Variants in QTMAN observed in about 807,000 individuals in gnomAD.
QTMAN encodes queuosine-tRNA mannosyltransferase, also known as tRNA-queuosine alpha-mannosyltransferase.
At chr2:144,266,712 T>C in the QTMAN span, among the ~76,000 whole-genome samples, 2 of 152,230 alleles carry the variant, frequency 1.3e-5, no homozygotes, top group Non-Finnish European at 2.9e-5. Flanking sequence ...GCCTTAGTAA[T>C]GGCTTTACCC....
At chr2:144,067,581 CATT>C in the QTMAN span, among the ~76,000 whole-genome samples, 4 of 152,178 alleles carry the variant, frequency 2.6e-5, no homozygotes, top group African/African-American at 9.7e-5. Flanking sequence ...TATCCCATCA[CATT>C]ATAAATAGCC....
the QTMAN span, among the ~76,000 whole-genome samples, chr2:143,988,642 G>A: frequency 3.7e-4 from 56 of 152,344 alleles, no homozygotes; most frequent in Admixed American, 3.6e-3. Context: ...CTAAAGCTTA[G>A]TGAGGGTGAG....
the QTMAN span, among the ~76,000 whole-genome samples, chr2:144,009,651 C>T: frequency 6.6e-6 from 1 of 152,036 alleles, no homozygotes; most frequent in African/African-American, 2.4e-5. Context: ...TGGTACTAAC[C>T]CCTTAAATAT....
At chr2:144,031,498 T>C in the QTMAN span, among the ~76,000 whole-genome samples, 1 of 151,982 alleles carries the variant, frequency 6.6e-6, no homozygotes, top group African/African-American at 2.4e-5. Flanking sequence ...CCAAGAAGCT[T>C]TTAAACTGAA....
the QTMAN span, chr2:143,944,171 T>C: frequency 6.6e-6 from 1 of 152,306 alleles, no homozygotes; most frequent in East Asian, 1.9e-4. Context: ...AACAAAATAC[T>C]GATTAACTTA....
the QTMAN span, among the ~76,000 whole-genome samples, chr2:144,118,180 A>G: frequency 6.6e-6 from 1 of 152,274 alleles, no homozygotes; most frequent in African/African-American, 2.4e-5. Context: ...TCTCCTAACA[A>G]TCTGGTATTT....
At chr2:144,260,256 C>CA in the QTMAN span, among the ~76,000 whole-genome samples, 1 of 151,702 alleles carries the variant, frequency 6.6e-6, no homozygotes, top group Non-Finnish European at 1.5e-5. Flanking sequence ...TTTATTTAAA[C>CA]AAAAATAGTA....
chr2:144,182,229 A>C, the QTMAN span, among the ~76,000 whole-genome samples: 2 of 152,256 alleles, frequency 1.3e-5, no homozygotes, highest in African/African-American at 4.8e-5. Context: ...ATTTTAGTGT[A>C]GATATAATAA....
the QTMAN span, among the ~76,000 whole-genome samples, chr2:144,052,095 G>GCTGT: frequency 1.3e-3 from 204 of 152,270 alleles, no homozygotes; most frequent in African/African-American, 4.8e-3. Flanking sequence ...TCCAGAAACC[G>GCTGT]AACAGTGCCA....
At chr2:144,192,839 G>C in the QTMAN span, among the ~76,000 whole-genome samples, 1 of 152,188 alleles carries the variant, frequency 6.6e-6, no homozygotes, top group Non-Finnish European at 1.5e-5. Flanking sequence ...GTTTACTAAA[G>C]CCGGTATCAA....
At chr2:144,292,880 T>C in the QTMAN span, among the ~76,000 whole-genome samples, 1 of 152,174 alleles carries the variant, frequency 6.6e-6, no homozygotes. Context: ...TTTTAAAAGA[T>C]AATACTCACA....
the QTMAN span, among the ~76,000 whole-genome samples, chr2:144,019,588 G>A: frequency 3.9e-5 from 6 of 152,072 alleles, no homozygotes; most frequent in Admixed American, 2.0e-4. Context: ...CTTGTGGAGC[G>A]AAACTGAAAA....
the QTMAN span, among the ~76,000 whole-genome samples, chr2:144,311,142 T>G: frequency 2.0e-5 from 3 of 152,170 alleles, no homozygotes; most frequent in African/African-American, 7.2e-5. Flanking sequence ...GTATTTAAGA[T>G]AATAACATGA....
At chr2:144,041,151 C>T in the QTMAN span, among the ~76,000 whole-genome samples, 263 of 152,212 alleles carry the variant, frequency 1.7e-3, no homozygotes, top group African/African-American at 6.0e-3. Context: ...TTCAAAATTT[C>T]TAAATTTTGG....
chr2:143,992,114 T>C, the QTMAN span, among the ~76,000 whole-genome samples: 1 of 151,996 alleles, frequency 6.6e-6, no homozygotes, highest in African/African-American at 2.4e-5. Context: ...GGGGAAAAGA[T>C]TGAGAAATCG....
chr2:143,956,287 C>T, the QTMAN span, among the ~76,000 whole-genome samples: 3,581 of 152,082 alleles, frequency 0.024, 143 homozygotes, highest in African/African-American at 0.082. Context: ...TAAAGTAATC[C>T]TTTGTGAAAT....
At chr2:144,206,711 C>T in the QTMAN span, among the ~76,000 whole-genome samples, 1 of 152,274 alleles carries the variant, frequency 6.6e-6, no homozygotes, top group East Asian at 1.9e-4. Context: ...TCCTCAAATG[C>T]TGTGACACTT....
At chr2:144,058,897 C>G in the QTMAN span, among the ~76,000 whole-genome samples, 1 of 152,198 alleles carries the variant, frequency 6.6e-6, no homozygotes, top group Admixed American at 6.5e-5. Flanking sequence ...TTAGCTCATT[C>G]AGTCCAGACA....
At chr2:144,247,951 A>G in the QTMAN span, among the ~76,000 whole-genome samples, 2 of 152,244 alleles carry the variant, frequency 1.3e-5, no homozygotes, top group African/African-American at 4.8e-5. Context: ...TTGGCCTCCC[A>G]AAGTAACAGG....
Sources: allele counts gnomAD v4.1 joint callset (sites outside exome capture counted in the v4.1 genomes callset), GRCh38; gene constraint gnomAD v4.1.1; transcripts MANE v1.5; gene names NCBI Gene and HGNC (gene_info 2026-07-23, HGNC 2026-07-21).